The following CUL1 variants were observed in gnomAD, a reference collection of about 807,000 sequenced individuals.
CUL1 encodes cullin-1.
A neutral mutation model predicts 118.0 loss-of-function variants in CUL1; 24 were observed. The observed-to-expected ratio is 0.20, with a 90% CI of 0.15 to 0.29. CUL1 has a LOEUF of 0.29. CUL1 is among the 10% of genes least tolerant of loss of function. CUL1 has a pLI of 1.00. For synonymous variants in CUL1, 332 were observed against 340.4 expected, an observed-to-expected ratio of 0.98 and a Z score of 0.27; for missense variants, 361 against 933.8, an observed-to-expected ratio of 0.39 and a Z score of 7.99.
intron 1 of CUL1, among the ~76,000 whole-genome samples, chr7:148,727,816 T>C (rs564259006): frequency 1.8e-3 from 266 of 144,448 alleles, no homozygotes; most frequent in Non-Finnish European, 3.5e-3. Flanking sequence ...AGGGGGAGAG[T>C]TGAGGTTTTG....
intron 2 of CUL1, among the ~76,000 whole-genome samples, chr7:148,750,456 C>G (rs188087025): frequency 6.6e-6 from 1 of 152,102 alleles, no homozygotes; most frequent in Non-Finnish European, 1.5e-5. Flanking sequence ...CCTAGCCCCC[C>G]GCCCCACGAC....
chr7:148,772,538 C>A (rs1800248960), intron 9 of CUL1, among the ~76,000 whole-genome samples: 1 of 152,116 alleles, frequency 6.6e-6, no homozygotes, highest in African/African-American at 2.4e-5. Context: ...AAAGGGCAAA[C>A]AAATTTTGCA....
chr7:148,739,007 C>T lies in CUL1; in HGVS notation c.140+8745C>T, dbSNP rs185936877. Among the ~76,000 whole-genome samples the T allele has an allele frequency of 1.2e-3, 181 of 152,278 alleles. 1 individual carries two copies. The highest frequency in any genetic ancestry group is 9.3e-3 in the Admixed American group (142 of 15,298). The stretch of plus-strand genomic sequence containing the variant: ...GCAGGAGCCCAGGCATAGAGAGCAG[C>T]GGGGAGGCTCCGGCCCTGTCCTTTC... On this transcript the variant is annotated intron_variant, in intron 2 of 21. Transcript: ENST00000325222.
At chr7:148,745,672 G>T (rs1048750532) in intron 2 of CUL1, among the ~76,000 whole-genome samples, 2 of 152,084 alleles carry the variant, frequency 1.3e-5, no homozygotes, top group African/African-American at 4.8e-5. Context: ...TTCTCTATTC[G>T]CAGGAAATCA....
chr7:148,741,096 A>G (rs1272872663), intron 2 of CUL1, among the ~76,000 whole-genome samples: 2 of 152,154 alleles, frequency 1.3e-5, no homozygotes, highest in African/African-American at 2.4e-5. Flanking sequence ...CTTCATTTTT[A>G]TGGTAAAATA....
chr7:148,762,270 A>T (rs1030912801), intron 7 of CUL1, among the ~76,000 whole-genome samples: 1 of 152,210 alleles, frequency 6.6e-6, no homozygotes, highest in Non-Finnish European at 1.5e-5. Context: ...TCATAGAGAA[A>T]GTCCTATCCG....
At chr7:148,721,468 T>C (rs1485042942) in intron 1 of CUL1, among the ~76,000 whole-genome samples, 1 of 152,142 alleles carries the variant, frequency 6.6e-6, no homozygotes, top group African/African-American at 2.4e-5. Flanking sequence ...TTTTTTTCTC[T>C]GCAAAATTTT....
At chr7:148,740,844 A>G (rs909082294) in intron 2 of CUL1, among the ~76,000 whole-genome samples, 1 of 152,222 alleles carries the variant, frequency 6.6e-6, no homozygotes, top group Non-Finnish European at 1.5e-5. Flanking sequence ...ACACAGTGAG[A>G]AGGTGGCCGT....
At chr7:148,731,094 T>C (rs1254545625) in intron 2 of CUL1, among the ~76,000 whole-genome samples, 1 of 152,242 alleles carries the variant, frequency 6.6e-6, no homozygotes, top group Non-Finnish European at 1.5e-5. Flanking sequence ...TGGTCCACGA[T>C]GTGCATGGGG....
chr7:148,789,211 A>G (rs1225827569), intron 14 of CUL1, among the ~76,000 whole-genome samples: 1 of 152,246 alleles, frequency 6.6e-6, no homozygotes. Context: ...TTTTTCCCAA[A>G]TCAGAATGAC....
At chr7:148,723,372 G>T (rs978608132) in intron 1 of CUL1, among the ~76,000 whole-genome samples, 1 of 152,162 alleles carries the variant, frequency 6.6e-6, no homozygotes, top group Admixed American at 6.5e-5. Context: ...GAGGCCCTGT[G>T]TGTCCAGCTG....
rs141315474 is a variant in CUL1, at chr7:148,755,557, G to A, written c.315+1407G>A. 8.7e-3 allele frequency among the ~76,000 whole-genome samples: 1,322 copies of A among 152,240 alleles called. 13 individuals carry two copies. The highest frequency in any genetic ancestry group is 0.03 in the African/African-American group (1,244 of 41,532). ...CCCCAAATGGTGTTTCTAAGGTCTT[G>A]CTGAAGCCACTGTTCTTTTTATTCA... On this transcript the variant is annotated intron_variant, in intron 3 of 21. Transcript: ENST00000325222.
chr7:148,712,075 C>G (rs139773896), intron 1 of CUL1, among the ~76,000 whole-genome samples: 1 of 152,170 alleles, frequency 6.6e-6, no homozygotes, highest in South Asian at 2.1e-4. Flanking sequence ...GAATGGCTTG[C>G]TGTTTGTATC....
At chr7:148,772,962 A>C (rs1007195727) in intron 9 of CUL1, among the ~76,000 whole-genome samples, 2 of 151,858 alleles carry the variant, frequency 1.3e-5, no homozygotes, top group Admixed American at 6.6e-5. Flanking sequence ...CTTGGCTCTT[A>C]CTGTTTTCTA....
chr7:148,783,603 A>G, intron 9 of CUL1, 180 bp from the exon 10 acceptor site: 1 of 1,519,184 alleles, frequency 6.6e-7, no homozygotes, highest in Non-Finnish European at 8.8e-7. Flanking sequence ...ATATATAAAC[A>G]AAATGTCCTA....
intron 2 of CUL1, among the ~76,000 whole-genome samples, chr7:148,747,475 T>A (rs536787895): frequency 4.7e-4 from 71 of 152,246 alleles, no homozygotes; most frequent in Non-Finnish European, 8.5e-4. Context: ...GGCTGGCCGG[T>A]AGGGGTCACA....
intron 1 of CUL1, among the ~76,000 whole-genome samples, chr7:148,720,828 G>C (rs1313825523): frequency 3.3e-5 from 5 of 152,208 alleles, no homozygotes; most frequent in Admixed American, 3.3e-4. Flanking sequence ...AGATCTGGTG[G>C]CTTGTTGCTG....
At chr7:148,797,620 G>A (rs1801247654) in intron 17 of CUL1, among the ~76,000 whole-genome samples, 192 bp from the exon 18 acceptor site, 1 of 151,726 alleles carries the variant, frequency 6.6e-6, no homozygotes, top group South Asian at 2.1e-4. Flanking sequence ...CTAGAAGTCA[G>A]GGTGGAAGGA....
intron 2 of CUL1, among the ~76,000 whole-genome samples, chr7:148,732,015 C>T (rs1237622507): frequency 2.6e-5 from 4 of 152,134 alleles, no homozygotes; most frequent in Non-Finnish European, 5.9e-5. Flanking sequence ...GACTTCTGGT[C>T]TCCAGGGTGT....
Sources: gnomAD v4.1 joint callset for allele counts (sites outside exome capture counted in the v4.1 genomes callset) on GRCh38, gnomAD v4.1.1 for gene constraint, MANE v1.5 for transcripts, NCBI Gene and HGNC (gene_info 2026-07-23, HGNC 2026-07-21) for gene names.